Variants in DNM3 observed in about 807,000 individuals in gnomAD.
DNM3 encodes dynamin 3.
Under a neutral mutation model 101.6 loss-of-function variants are expected in DNM3, and 47 were observed. The ratio of observed to expected loss-of-function variants is 0.46; its 90% CI spans 0.37 to 0.59. DNM3 has a LOEUF of 0.59. Ranked by LOEUF, DNM3 falls within the 20% of genes least tolerant of loss-of-function variation. DNM3 has a pLI of 0.00. For missense variants in DNM3, 849 were observed against 1,085.7 expected (o/e 0.78, Z 3.06); for synonymous variants, 385 against 387.9 (o/e 0.99, Z 0.09).
intron 17 of DNM3, among the ~76,000 whole-genome samples, chr1:172,330,601 G>A (rs925529443): frequency 2.0e-5 from 3 of 152,058 alleles, no homozygotes; most frequent in Admixed American, 2.0e-4. Context: ...TTAACAGCAT[G>A]AGCAATATTA....
intron 17 of DNM3, among the ~76,000 whole-genome samples, chr1:172,333,333 G>C (rs1573504230): frequency 6.6e-6 from 1 of 152,130 alleles, no homozygotes; most frequent in African/African-American, 2.4e-5. Flanking sequence ...GTGAGTATAA[G>C]GCACTTGTAG....
chr1:172,403,073 T>A (rs771439535), intron 20 of DNM3, among the ~76,000 whole-genome samples: 11 of 152,116 alleles, frequency 7.2e-5, no homozygotes, highest in Non-Finnish European at 1.3e-4. Context: ...TGATGCAAGG[T>A]CCAATTTGAG....
intron 2 of DNM3, among the ~76,000 whole-genome samples, chr1:171,974,709 A>C (rs1405730091): frequency 6.6e-6 from 1 of 152,236 alleles, no homozygotes; most frequent in Non-Finnish European, 1.5e-5. Context: ...AAAAACAAAA[A>C]TTATCTAAGG....
chr1:172,415,865 A>G (rs765469786), downstream of DNM3, among the ~76,000 whole-genome samples: 7 of 152,170 alleles, frequency 4.6e-5, no homozygotes, highest in Non-Finnish European at 1.0e-4. Flanking sequence ...GAAAAAAGCT[A>G]TAAGGAAGAC....
chr1:172,318,376 G>A (rs975396271), intron 16 of DNM3, among the ~76,000 whole-genome samples: 222 of 152,280 alleles, frequency 1.5e-3, no homozygotes, highest in African/African-American at 5.1e-3. Context: ...AGTGTTGGAA[G>A]TTCTGGCCAG....
At chr1:172,019,330 C>T (rs1280585483) in intron 4 of DNM3, among the ~76,000 whole-genome samples, 1 of 151,548 alleles carries the variant, frequency 6.6e-6, no homozygotes, top group Non-Finnish European at 1.5e-5. Flanking sequence ...ATACTTCCAC[C>T]TTTTCTTTTG....
chr1:172,352,216 A>C (rs1174129141), intron 17 of DNM3, among the ~76,000 whole-genome samples: 1 of 152,220 alleles, frequency 6.6e-6, no homozygotes, highest in Non-Finnish European at 1.5e-5. Flanking sequence ...AAGAAATTCC[A>C]ATTTATTGAT....
intron 4 of DNM3, among the ~76,000 whole-genome samples, chr1:171,997,574 A>T (rs1181259737): frequency 6.6e-6 from 1 of 152,198 alleles, no homozygotes; most frequent in Non-Finnish European, 1.5e-5. Flanking sequence ...TTGGCACCCC[A>T]GATGGGACAG....
chr1:172,292,601 TCACACACA>T (rs3079013), intron 15 of DNM3, among the ~76,000 whole-genome samples: 1 of 148,576 alleles, frequency 6.7e-6, no homozygotes, highest in Admixed American at 6.7e-5. Context: ...ATAGAAGACT[TCACACACA>T]CACACACACA....
intron 14 of DNM3, among the ~76,000 whole-genome samples, chr1:172,233,585 A>C (rs1315373066): frequency 1.3e-5 from 2 of 152,136 alleles, no homozygotes; most frequent in African/African-American, 2.4e-5. Flanking sequence ...GAGACACAAC[A>C]AAAAAAGAGA....
chr1:172,139,310 T>C (rs1285793070), intron 14 of DNM3: 1 of 175,530 alleles, frequency 5.7e-6, no homozygotes, highest in Non-Finnish European at 1.2e-5. Context: ...ACTATGTTTA[T>C]GCATGTTTCT....
intron 4 of DNM3, among the ~76,000 whole-genome samples, chr1:171,997,323 A>C (rs964389236): frequency 2.0e-5 from 3 of 152,178 alleles, no homozygotes; most frequent in Admixed American, 2.0e-4. Context: ...TTTCAGATTC[A>C]TCTGCAAATG....
intron 15 of DNM3, 23 bp downstream of exon 15, chr1:172,253,705 G>A (rs1011922511): frequency 1.3e-6 from 2 of 1,486,150 alleles, no homozygotes; most frequent in African/African-American, 2.8e-5. Flanking sequence ...AACAGTTCCT[G>A]TCTTCAGATT....
chr1:172,144,480 A>G, intron 14 of DNM3: 1 of 394,838 alleles, frequency 2.5e-6, no homozygotes, highest in Admixed American at 2.9e-5. Context: ...AAAAGGAGCA[A>G]ACAAATGTCT....
chr1:172,205,763 G>A (rs992591592), intron 14 of DNM3, among the ~76,000 whole-genome samples: 2 of 152,100 alleles, frequency 1.3e-5, no homozygotes, highest in Non-Finnish European at 2.9e-5. Flanking sequence ...AAAGGAATGA[G>A]TATTTTGATA....
At chr1:172,320,773 G>T (rs2065675258) in intron 16 of DNM3, among the ~76,000 whole-genome samples, 1 of 152,098 alleles carries the variant, frequency 6.6e-6, no homozygotes, top group Admixed American at 6.6e-5. Flanking sequence ...GCCTCCATCG[G>T]TTAGTCAGGA....
intron 1 of DNM3, among the ~76,000 whole-genome samples, chr1:171,842,648 C>T (rs1293852850): frequency 6.6e-6 from 1 of 152,192 alleles, no homozygotes; most frequent in Non-Finnish European, 1.5e-5. Context: ...CGCCCCCTCC[C>T]CCAGCATCAT....
chr1:171,992,622 G>C (rs540056519), intron 4 of DNM3, among the ~76,000 whole-genome samples: 1 of 152,134 alleles, frequency 6.6e-6, no homozygotes, highest in South Asian at 2.1e-4. Flanking sequence ...CATTAGAACT[G>C]CTGCTCCACC....
At chr1:172,097,175 G>A (rs547206976) in intron 13 of DNM3, among the ~76,000 whole-genome samples, 26 of 152,184 alleles carry the variant, frequency 1.7e-4, no homozygotes, top group South Asian at 1.0e-3. Context: ...GCCGAGGTGG[G>A]TGGATCACAA....
Sources: gnomAD v4.1 joint callset for allele counts (sites outside exome capture counted in the v4.1 genomes callset) on GRCh38, gnomAD v4.1.1 for gene constraint, MANE v1.5 for transcripts, NCBI Gene and HGNC (gene_info 2026-07-23, HGNC 2026-07-21) for gene names.